Variants in DOP1B observed in about 807,000 individuals in gnomAD.
DOP1B encodes protein DOP1B.
Under a neutral mutation model 233.5 loss-of-function variants are expected in DOP1B, and 174 were observed. The observed-to-expected ratio is 0.75, with a 90% CI of 0.66 to 0.85. The LOEUF (loss-of-function observed/expected upper bound fraction) is 0.85, where lower values mean the gene tolerates loss of function less well. Among genes scored for constraint, DOP1B ranks in the 40% least tolerant of loss-of-function variants. The pLI, the probability that DOP1B is intolerant of heterozygous loss-of-function variation, is 0.00. For synonymous variants in DOP1B, 1,190 were observed against 1,185.6 expected, an observed-to-expected ratio of 1.00 and a Z score of -0.08; for missense variants, 2,652 against 2,846.6, an observed-to-expected ratio of 0.93 and a Z score of 1.56.
At chr21:36,240,036 G>A (rs564229420) in intron 18 of DOP1B, 81 bp downstream of exon 18, 1,044 of 1,446,166 alleles carry the variant, frequency 7.2e-4, no homozygotes, top group Non-Finnish European at 8.1e-4. Context: ...CTGAGAGACT[G>A]AGGCCCACTA....
chr21:36,200,448 C>T lies in DOP1B; in HGVS notation c.438C>T (p.Ala146=). 1 of 1,613,260 alleles carries T rather than the reference C, an allele frequency of 6.2e-7. No homozygotes were observed. The highest frequency in any genetic ancestry group is 8.5e-7 in the Non-Finnish European group (1 of 1,180,014). The part of the protein sequence containing the change: ...LQKLLLPSLQ[A]FIVGLLPGLE... ...AGCTGCTCCTGCCCAGTCTGCAGGCCTTCATCGTGGGCCTGCTGCCCGGCC... is the reference window on the plus strand; with the variant it reads ...AGCTGCTCCTGCCCAGTCTGCAGGCTTTCATCGTGGGCCTGCTGCCCGGCC... The change falls in exon 4 of 37, where the codon GCC becomes GCT. Residue 146 remains alanine, a synonymous_variant. Coordinates refer to ENST00000691173, the MANE Select transcript of DOP1B (RefSeq NM_001320714.2).
Position 36,247,540 on chromosome 21 carries a change from T to C in DOP1B, c.4721T>C (p.Ile1574Thr). Residue 1574 changes from isoleucine to threonine, a missense_variant, in exon 20 of 37, where the codon ATT becomes ACT. Physicochemically the swap from Ile to Thr is moderately conservative, Grantham distance 89 (BLOSUM62 -1). Around this residue, in one of 3 missense-constraint regions of DOP1B, gnomAD observed 2,617 missense variants for 2,794.3 expected, o/e 0.94. Coordinates refer to ENST00000691173, the MANE Select transcript of DOP1B (RefSeq NM_001320714.2). Reference protein sequence around the residue: ...SVSTTSKRENISPDYPLTLLE... With the variant: ...SVSTTSKRENTSPDYPLTLLE... ...AGCACAACCTCCAAGAGGGAAAACA[T>C]TTCTCCAGATTATCCACTCACCCTT... 3 of 1,607,222 alleles carry C rather than the reference T, an allele frequency of 1.9e-6. No individual in the cohort carries two copies. Among genetic ancestry groups the C allele is most frequent in the Non-Finnish European group, 1.7e-6 (2 of 1,178,294 alleles).
At position 36,293,645 on chromosome 21, in the gene DOP1B, A is replaced by G; in HGVS notation, c.*74A>G. On this transcript the variant is annotated 3_prime_UTR_variant, in exon 37 of 37. Coordinates refer to ENST00000691173, the MANE Select transcript of DOP1B (RefSeq NM_001320714.2). ...AACCAGGTTATATTCTAAAGAAGAAAGAAGGCAGGATAGTGCTTTTGAACA... is the reference window on the plus strand; with the variant it reads ...AACCAGGTTATATTCTAAAGAAGAAGGAAGGCAGGATAGTGCTTTTGAACA... 6.6e-7 allele frequency: 1 copy of G among 1,508,506 alleles called. No homozygotes were observed. The highest frequency in any genetic ancestry group is 1.8e-5 in the Admixed American group (1 of 55,894). 93.4% of individuals were successfully genotyped at this position (1,508,506 alleles called of 1,614,324 possible).
At chr21:36,165,018 C>A in intron 2 of DOP1B, 147 bp downstream of exon 2, 8 of 671,574 alleles carry the variant, frequency 1.2e-5, no homozygotes, top group Non-Finnish European at 1.0e-5. Flanking sequence ...TATATTATTT[C>A]AAGGAAATAC....
chr21:36,191,007 C>T (rs1395762871), intron 2 of DOP1B, among the ~76,000 whole-genome samples: 2 of 152,192 alleles, frequency 1.3e-5, no homozygotes, highest in African/African-American at 2.4e-5. Context: ...AAGGAAAAGT[C>T]ACCAAGACCG....
intron 2 of DOP1B, chr21:36,169,162 G>C: frequency 1.0e-6 from 1 of 1,002,250 alleles, no homozygotes; most frequent in Non-Finnish European, 1.6e-6. Context: ...CTCGCTTCTT[G>C]GTTCCCACCA....
At chr21:36,254,734 G>GCAGGTGTTGA (rs1569054091) in intron 23 of DOP1B, among the ~76,000 whole-genome samples, 1 of 3,474 alleles carries the variant, frequency 2.9e-4, no homozygotes, top group East Asian at 0.5. Flanking sequence ...CAGGGGTCTC[G>GCAGGTGTTGA]CAGGAACAAA....
At chr21:36,194,307 T>C (rs938787176) in intron 2 of DOP1B, among the ~76,000 whole-genome samples, 2 of 152,194 alleles carry the variant, frequency 1.3e-5, no homozygotes, top group African/African-American at 4.8e-5. Flanking sequence ...TCTAGATCAC[T>C]CTGCTCTATG....
intron 32 of DOP1B, among the ~76,000 whole-genome samples, chr21:36,286,700 G>A (rs1018589890): frequency 6.6e-6 from 1 of 151,340 alleles, no homozygotes; most frequent in Non-Finnish European, 1.5e-5. Context: ...GGCAGCTCAC[G>A]CCTGTAATCC....
chr21:36,282,291 G>A (rs1024362872), intron 32 of DOP1B, among the ~76,000 whole-genome samples: 1 of 151,932 alleles, frequency 6.6e-6, no homozygotes. Flanking sequence ...GTGATGGTGC[G>A]CACCTGTAAT....
chr21:36,243,002 T>C (rs1230522903), intron 18 of DOP1B, among the ~76,000 whole-genome samples: 1 of 148,014 alleles, frequency 6.8e-6, no homozygotes, highest in African/African-American at 2.5e-5. Flanking sequence ...TTTTTTGAGA[T>C]GGAGTCTCAC....
At chr21:36,209,292 TTG>T (rs2066465220) in intron 5 of DOP1B, among the ~76,000 whole-genome samples, 1 of 152,110 alleles carries the variant, frequency 6.6e-6, no homozygotes, top group Non-Finnish European at 1.5e-5. Flanking sequence ...CGGCTAATTT[TTG>T]TGTTTTTAGT....
intron 2 of DOP1B, among the ~76,000 whole-genome samples, chr21:36,183,544 A>G (rs1310276677): frequency 6.6e-6 from 1 of 152,174 alleles, no homozygotes; most frequent in Non-Finnish European, 1.5e-5. Context: ...TGCATCCTTA[A>G]AAGATGCAGT....
Position 36,269,947 on chromosome 21 carries a change from G to C in DOP1B, c.5488-66G>C, listed in dbSNP as rs1660666223. The C allele has an allele frequency of 3.9e-6, 6 of 1,557,180 alleles. No homozygotes were observed. The South Asian group carries it at 6.8e-5, about 18-fold the overall frequency. ...CATTTTATTTCTACTGGACAGTGCT[G>C]TTTTAGGCACTTAACATTCTTTTCC... On this transcript the variant is annotated intron_variant, in intron 26 of 36. Transcript: ENST00000691173.
intron 23 of DOP1B, among the ~76,000 whole-genome samples, chr21:36,258,894 T>G (rs74776654): frequency 0.052 from 7,871 of 152,046 alleles, 243 homozygotes; most frequent in African/African-American, 0.091. Context: ...CCCGGATGAC[T>G]TCCACAGTAT....
Position 36,230,488 on chromosome 21 carries a change from A to G in DOP1B, c.1704A>G (p.Glu568=), listed in dbSNP as rs142436455. 1.0e-3 allele frequency: 1,688 copies of G among 1,611,428 alleles called. 1 individual carries two copies. The highest frequency in any genetic ancestry group is 1.3e-3 in the Non-Finnish European group (1,566 of 1,177,744). ...VKGENGKIIL[E]TKAVIPGDED... ...GTGAAAACGGCAAAATAATTTTGGAAACAAAGGCAGTGATTCCCGGTGACG... is the reference window on the plus strand; with the variant it reads ...GTGAAAACGGCAAAATAATTTTGGAGACAAAGGCAGTGATTCCCGGTGACG... The change falls in exon 14 of 37, where the codon GAA becomes GAG. Residue 568 remains glutamate (E), a synonymous_variant. Transcript: ENST00000691173.
intron 31 of DOP1B, among the ~76,000 whole-genome samples, chr21:36,280,995 CCTT>C (rs2067409090): frequency 6.6e-6 from 1 of 151,546 alleles, no homozygotes; most frequent in Non-Finnish European, 1.5e-5. Flanking sequence ...GAGCGAAAAT[CCTT>C]CTCAAAAAAA....
At chr21:36,276,912 G>T in intron 27 of DOP1B, 109 bp from the exon 28 acceptor site, 2 of 955,476 alleles carry the variant, frequency 2.1e-6, no homozygotes, top group Non-Finnish European at 3.2e-6. Flanking sequence ...GGACACAATT[G>T]GTATGAAAGG....
chr21:36,280,376 AC>A, intron 31 of DOP1B, 30 bp downstream of exon 31: 2 of 1,506,284 alleles, frequency 1.3e-6, no homozygotes, highest in South Asian at 2.3e-5. Flanking sequence ...TGCATAACTC[AC>A]ACTTGATAGG....
Sources: gnomAD v4.1 joint callset for allele counts (sites outside exome capture counted in the v4.1 genomes callset) on GRCh38, gnomAD v4.1.1 for gene constraint, gnomAD v4.1.1 regional missense constraint, MANE v1.5 for transcripts, NCBI Gene and HGNC (gene_info 2026-07-23, HGNC 2026-07-21) for gene names.